The following ARHGAP40 variants were observed in gnomAD, a reference collection of about 807,000 sequenced individuals.
The protein encoded by ARHGAP40 is rho GTPase-activating protein 40.
In ARHGAP40, 43 loss-of-function variants were observed where a neutral mutation model predicts 73.5. That is an observed-to-expected ratio of 0.58 (90% confidence interval 0.46 to 0.75). The LOEUF (loss-of-function observed/expected upper bound fraction) is 0.75, where lower values mean the gene tolerates loss of function less well. Among genes scored for constraint, ARHGAP40 ranks in the 30% least tolerant of loss-of-function variants. The pLI is 0.00. For missense variants in ARHGAP40, 734 were observed against 861.8 expected (o/e 0.85, Z 1.86); for synonymous variants, 300 against 352.8 (o/e 0.85, Z 1.68).
At chr20:38,650,370 A>G in exon 15 of ARHGAP40, 1 of 471,342 alleles carries the variant, frequency 2.1e-6, no homozygotes, top group Non-Finnish European at 4.4e-6. Context: ...TGGCCCTACA[A>G]TGTGTAGTAG....
In ARHGAP40 at chr20:38,641,819, C is replaced by T; in HGVS notation, c.1362+11C>T. Reference sequence around the variant, plus strand: ...AGAAATGCCTTAAAGGTAAGAGTTACCATGCACCACCACCACTCTGCCATC... The same window carrying T: ...AGAAATGCCTTAAAGGTAAGAGTTATCATGCACCACCACCACTCTGCCATC... On this transcript the variant is annotated intron_variant, in intron 10 of 14. Transcript: ENST00000373345. 1 of 1,277,836 alleles carries T rather than the reference C, an allele frequency of 7.8e-7. No individual in the cohort carries two copies. Among genetic ancestry groups the T allele is most frequent in the Non-Finnish European group, 1.0e-6 (1 of 978,030 alleles). 79.2% of individuals were successfully genotyped at this position (1,277,836 alleles called of 1,614,324 possible).
At chr20:38,619,860 G>T (rs113281250) in intron 1 of ARHGAP40, among the ~76,000 whole-genome samples, 1,960 of 151,982 alleles carry the variant, frequency 0.013, 41 homozygotes, top group African/African-American at 0.045. Context: ...GATCACTGGA[G>T]TCAAGGCATT....
chr20:38,650,272 CTTCCAGACTGGAGGAAAATTA>C (rs1473157402), exon 15 of ARHGAP40: 1 of 456,800 alleles, frequency 2.2e-6, no homozygotes. Flanking sequence ...CTGTCTGTGG[CTTCCAGACTGGAGGAAAATTA>C]AAAATGCAGT....
chr20:38,614,978 G>C, intron 1 of ARHGAP40: 1 of 1,238,384 alleles, frequency 8.1e-7, no homozygotes, highest in Non-Finnish European at 1.2e-6. Context: ...ACGTGTGGTT[G>C]AGCGCTTGTG....
At chr20:38,638,700 C>T in intron 7 of ARHGAP40, 61 bp from the exon 8 acceptor site, 1 of 1,215,246 alleles carries the variant, frequency 8.2e-7, no homozygotes, top group African/African-American at 1.6e-5. Flanking sequence ...GACAAACACA[C>T]CATTTTGAAT....
At chr20:38,635,116 G>A (rs909901026) in intron 6 of ARHGAP40, among the ~76,000 whole-genome samples, 8 of 151,972 alleles carry the variant, frequency 5.3e-5, no homozygotes, top group South Asian at 2.1e-4. Flanking sequence ...TCTTGACCTC[G>A]TGATCTGCCT....
At chr20:38,630,656 G>A (rs1031590971) in intron 5 of ARHGAP40, among the ~76,000 whole-genome samples, 1 of 152,134 alleles carries the variant, frequency 6.6e-6, no homozygotes, top group Non-Finnish European at 1.5e-5. Context: ...GTACAGCTTG[G>A]TGTGTATGCC....
intron 9 of ARHGAP40, 89 bp downstream of exon 9, chr20:38,639,475 C>T: frequency 1.6e-6 from 2 of 1,229,672 alleles, no homozygotes; most frequent in Non-Finnish European, 2.1e-6. Context: ...AAAGGCAGGA[C>T]TCCGTGTTCC....
intron 2 of ARHGAP40, among the ~76,000 whole-genome samples, chr20:38,625,133 C>T (rs2088892167): frequency 6.6e-6 from 1 of 152,250 alleles, no homozygotes; most frequent in African/African-American, 2.4e-5. Context: ...CTAATAGTCT[C>T]ATGCAGTGCC....
In ARHGAP40 at chr20:38,627,604, GGT is replaced by G. The variant is rs1217788745; in HGVS notation, c.558+400_558+401del. Among the ~76,000 whole-genome samples the G allele has an allele frequency of 8.9e-5, 8 of 89,520 alleles. 1 individual carries two copies. The highest frequency in any genetic ancestry group is 1.7e-4 in the African/African-American group (4 of 24,230). The allele number at this position is 89,520 out of a possible 152,430, so 58.7% of individuals were successfully genotyped here. On this transcript the variant is annotated intron_variant, in intron 3 of 14. Transcript: ENST00000373345. The stretch of plus-strand genomic sequence containing the variant: ...TGTTGTGTGTGTTGGGGTGTGCGTT[GGT>G]GTGTGTGTGTTGGTGTGTGTGTGTT...
chr20:38,627,352 A>ATGTGGGTGTTGGTG (rs2088904622), intron 3 of ARHGAP40, 137 bp downstream of exon 3: 4 of 650,732 alleles, frequency 6.1e-6, no homozygotes, highest in African/African-American at 2.0e-5. Context: ...GGGTGTTGGT[A>ATGTGGGTGTTGGTG]TGTGTGTTGG....
At chr20:38,615,654 G>A (rs181086701) in intron 1 of ARHGAP40, among the ~76,000 whole-genome samples, 1 of 152,128 alleles carries the variant, frequency 6.6e-6, no homozygotes, top group African/African-American at 2.4e-5. Context: ...TTATCTGGGG[G>A]TTGGAGATAG....
At chr20:38,615,283 C>T (rs956300749) in intron 1 of ARHGAP40, 2 of 772,052 alleles carry the variant, frequency 2.6e-6, no homozygotes, top group African/African-American at 3.4e-5. Context: ...TGTTCATCCA[C>T]TCCGGAGGGA....
intron 9 of ARHGAP40, among the ~76,000 whole-genome samples, chr20:38,640,157 TTTCTTCTTTC>T (rs1377184084): frequency 2.3e-5 from 3 of 130,746 alleles, no homozygotes; most frequent in Admixed American, 7.2e-5. Context: ...CTTCCTCTTC[TTTCTTCTTTC>T]TTCTTCTTTC....
At chr20:38,617,815 C>G (rs959531022) in intron 1 of ARHGAP40, among the ~76,000 whole-genome samples, 3 of 151,690 alleles carry the variant, frequency 2.0e-5, no homozygotes, top group Non-Finnish European at 2.9e-5. Flanking sequence ...CCAGAAGCAA[C>G]ATATATTGAT....
chr20:38,640,438 T>A (rs1245334681), intron 9 of ARHGAP40, among the ~76,000 whole-genome samples: 1 of 152,106 alleles, frequency 6.6e-6, no homozygotes, highest in East Asian at 1.9e-4. Context: ...CCCAGGCTAG[T>A]GTCAAACTCC....
chr20:38,629,580 C>A (rs1320140668), exon 5 of ARHGAP40: 1 of 1,305,440 alleles, frequency 7.7e-7, no homozygotes, highest in East Asian at 5.5e-5. Context: ...TCAGAACAAG[C>A]TGCGGTGCTC....
intron 5 of ARHGAP40, among the ~76,000 whole-genome samples, chr20:38,634,418 G>A (rs925127116): frequency 1.3e-5 from 2 of 152,164 alleles, no homozygotes; most frequent in Non-Finnish European, 2.9e-5. Context: ...ATTATGGATG[G>A]AGAATCAGAG....
intron 11 of ARHGAP40, among the ~76,000 whole-genome samples, chr20:38,644,624 ACT>A (rs2089040309): frequency 1.9e-5 from 1 of 51,730 alleles, no homozygotes; most frequent in African/African-American, 8.7e-5. Flanking sequence ...TCACCCACCC[ACT>A]CACCCACCCA....
Sources: allele counts gnomAD v4.1 joint callset (sites outside exome capture counted in the v4.1 genomes callset), GRCh38; gene constraint gnomAD v4.1.1; transcripts MANE v1.5; gene names NCBI Gene and HGNC (gene_info 2026-07-23, HGNC 2026-07-21).